The following CDH4 variants were observed in gnomAD, a reference collection of about 807,000 sequenced individuals.
CDH4 encodes the protein cadherin-4.
Under a neutral mutation model 86.0 loss-of-function variants are expected in CDH4, and 33 were observed. The ratio of observed to expected loss-of-function variants is 0.38; its 90% CI spans 0.29 to 0.51. CDH4 has a LOEUF of 0.51. Among genes scored for constraint, CDH4 ranks in the 20% least tolerant of loss-of-function variants. The probability of loss-of-function intolerance (pLI) is 0.86; values close to 1 mark genes in which losing one functional copy is unlikely to be tolerated. For missense variants in CDH4, 1,114 were observed against 1,307.4 expected (o/e 0.85, Z 2.28); for synonymous variants, 555 against 549.4 (o/e 1.01, Z -0.14).
At chr20:61,505,525 A>G (rs992508831) in intron 2 of CDH4, among the ~76,000 whole-genome samples, 1 of 152,214 alleles carries the variant, frequency 6.6e-6, no homozygotes, top group Non-Finnish European at 1.5e-5. Flanking sequence ...GGGACTATGC[A>G]GGGGGCCCCA....
At chr20:61,776,369 G>A (rs965328716) in intron 4 of CDH4, among the ~76,000 whole-genome samples, 4 of 152,234 alleles carry the variant, frequency 2.6e-5, no homozygotes, top group African/African-American at 7.2e-5. Context: ...GTGCAGGGAG[G>A]AATTGTGAAT....
intron 2 of CDH4, among the ~76,000 whole-genome samples, chr20:61,701,923 AG>A (rs2087780863): frequency 6.6e-6 from 1 of 152,216 alleles, no homozygotes; most frequent in South Asian, 2.1e-4. Flanking sequence ...GGTGTGACTC[AG>A]GCCGAAGAGA....
intron 4 of CDH4, among the ~76,000 whole-genome samples, chr20:61,839,524 G>C (rs1327035180): frequency 8.7e-6 from 1 of 114,966 alleles, no homozygotes; most frequent in Non-Finnish European, 2.3e-5. Context: ...TTGTGTGTAT[G>C]TGTGTTTGTG....
rs944258172 is a variant in CDH4 at position 61,902,571 on chromosome 20, G to T, written c.1188+7524G>T. On this transcript the variant is annotated intron_variant, in intron 8 of 15. Coordinates refer to ENST00000614565, the MANE Select transcript of CDH4 (RefSeq NM_001794.5). This position sits in a 1 kb window ranked among gnomAD's most constrained non-coding sequence, Gnocchi z 4.6. ...TCTGGAGAGTAAATGTTTGCGCTTT[G>T]GCTGCCGGAAGGTCTCCGTGGCAAC... Among the ~76,000 whole-genome samples the T allele has an allele frequency of 1.8e-4, 27 of 152,216 alleles. No individual in the cohort carries two copies. The highest frequency in any genetic ancestry group is 6.3e-4 in the African/African-American group (26 of 41,450).
chr20:61,881,802 C>A (rs1485671199), intron 7 of CDH4, among the ~76,000 whole-genome samples: 1 of 152,218 alleles, frequency 6.6e-6, no homozygotes, highest in Non-Finnish European at 1.5e-5. Context: ...AATCGTGGTC[C>A]CCAGAAAAGC....
At chr20:61,636,696 G>A (rs1044173133) in intron 2 of CDH4, among the ~76,000 whole-genome samples, 18 of 152,292 alleles carry the variant, frequency 1.2e-4, no homozygotes, top group African/African-American at 2.2e-4. Flanking sequence ...TTCTCCCAGC[G>A]CCTGGAGGCT....
At chr20:61,910,706 C>T (rs2054841676) in intron 9 of CDH4, 99 bp downstream of exon 9, 1 of 1,127,486 alleles carries the variant, frequency 8.9e-7, no homozygotes, top group South Asian at 1.4e-5. Context: ...TGTAAAGTTA[C>T]TGCCCCCCTA....
At chr20:61,845,999 T>C (rs1372040808) in intron 5 of CDH4, among the ~76,000 whole-genome samples, 2 of 152,260 alleles carry the variant, frequency 1.3e-5, no homozygotes, top group Non-Finnish European at 2.9e-5. Context: ...GTACAGAGCC[T>C]GGCCTTCAGG....
intron 6 of CDH4, among the ~76,000 whole-genome samples, chr20:61,868,495 A>G (rs1049921599): frequency 6.6e-6 from 1 of 152,174 alleles, no homozygotes; most frequent in Non-Finnish European, 1.5e-5. Flanking sequence ...CATCATAGAC[A>G]GTAGAGGGAA....
In CDH4 at chr20:61,549,207, G is replaced by C. The variant is rs546181275; in HGVS notation, c.170-194356G>C. ...TGAGAAACAGTCCTTCTGACCCCAA[G>C]GTTGAACCAATAGCAATTGGCGTGA... On this transcript the variant is annotated intron_variant, in intron 2 of 15. Coordinates refer to ENST00000614565, the MANE Select transcript of CDH4 (RefSeq NM_001794.5). 3.3e-5 allele frequency among the ~76,000 whole-genome samples: 5 copies of C among 152,328 alleles called. No individual in the cohort carries two copies. In the East Asian group the frequency reaches 9.7e-4, roughly 29 times the overall value.
intron 8 of CDH4, among the ~76,000 whole-genome samples, chr20:61,898,322 G>A (rs1010185551): frequency 1.3e-5 from 2 of 152,248 alleles, no homozygotes; most frequent in East Asian, 1.9e-4. Context: ...TTAATTAAAA[G>A]TTATTTTCCC....
chr20:61,705,894 T>C (rs1015064996), intron 2 of CDH4, among the ~76,000 whole-genome samples: 9 of 152,192 alleles, frequency 5.9e-5, no homozygotes, highest in Non-Finnish European at 7.4e-5. Flanking sequence ...AATACCCCAG[T>C]TGTGTCAAGA....
chr20:61,622,791 T>C (rs199626534), intron 2 of CDH4, among the ~76,000 whole-genome samples: 4 of 152,154 alleles, frequency 2.6e-5, no homozygotes, highest in Non-Finnish European at 5.9e-5. Flanking sequence ...CCCTGCCCAG[T>C]TGTGACAGCC....
chr20:61,312,496 CG>C (rs1555835995), intron 2 of CDH4, among the ~76,000 whole-genome samples: 1 of 152,076 alleles, frequency 6.6e-6, no homozygotes, highest in Non-Finnish European at 1.5e-5. Flanking sequence ...CGCCAGCCCC[CG>C]GGTGCACAGG....
At chr20:61,288,469 G>A (rs1484390785) in intron 2 of CDH4, among the ~76,000 whole-genome samples, 4 of 152,308 alleles carry the variant, frequency 2.6e-5, no homozygotes, top group Middle Eastern at 3.4e-3. Flanking sequence ...GTGGTCAGAG[G>A]CTTTGCTCAT....
At chr20:61,924,565 C>A in intron 11 of CDH4, 89 bp downstream of exon 11, 1 of 1,428,642 alleles carries the variant, frequency 7.0e-7, no homozygotes. Flanking sequence ...CCAGGGAGAC[C>A]CCGAGAGGCC....
chr20:61,639,995 G>A (rs970401803), intron 2 of CDH4, among the ~76,000 whole-genome samples: 7 of 152,118 alleles, frequency 4.6e-5, no homozygotes, highest in African/African-American at 1.7e-4. Flanking sequence ...TGTCTTATAG[G>A]AGTTCTGTTG....
intron 2 of CDH4, among the ~76,000 whole-genome samples, chr20:61,656,920 C>T (rs949084175): frequency 2.0e-5 from 3 of 152,154 alleles, no homozygotes; most frequent in Non-Finnish European, 4.4e-5. Flanking sequence ...CAACCATCAG[C>T]GCTCCATGTT....
chr20:61,835,821 G>A (rs923331773), intron 4 of CDH4, among the ~76,000 whole-genome samples: 11 of 152,186 alleles, frequency 7.2e-5, no homozygotes, highest in Admixed American at 5.2e-4. Flanking sequence ...AGCCCTGAGC[G>A]CCACAGTCAG....
Sources: gnomAD v4.1 joint callset for allele counts (sites outside exome capture counted in the v4.1 genomes callset) on GRCh38, gnomAD v4.1.1 for gene constraint, Gnocchi (gnomAD v3.1) non-coding constraint, MANE v1.5 for transcripts, NCBI Gene and HGNC (gene_info 2026-07-23, HGNC 2026-07-21) for gene names.